The following DLGAP1 variants were observed in gnomAD, a reference collection of about 807,000 sequenced individuals.
DLGAP1 encodes the protein DLG associated protein 1, also known as disks large-associated protein 1.
DLGAP1 carries 11 observed loss-of-function variants against 90.8 expected under a neutral mutation model. The ratio of observed to expected loss-of-function variants is 0.12; its 90% CI spans 0.08 to 0.20. The LOEUF (loss-of-function observed/expected upper bound fraction) is 0.20, where lower values mean the gene tolerates loss of function less well. DLGAP1 is among the 10% of genes least tolerant of loss of function. DLGAP1 has a pLI of 1.00. For missense variants in DLGAP1, 1,050 were observed against 1,333.8 expected (o/e 0.79, Z 3.31); for synonymous variants, 558 against 540.7 (o/e 1.03, Z -0.44).
intron 1 of DLGAP1, among the ~76,000 whole-genome samples, chr18:4,257,962 G>A (rs748534295): frequency 2.2e-4 from 32 of 142,614 alleles, no homozygotes; most frequent in Non-Finnish European, 3.5e-4. Context: ...ATTACAACAA[G>A]AGTTATACAT....
At chr18:3,654,185 G>A (rs2059406463) in intron 7 of DLGAP1, among the ~76,000 whole-genome samples, 1 of 152,126 alleles carries the variant, frequency 6.6e-6, no homozygotes, top group Non-Finnish European at 1.5e-5. Flanking sequence ...GGTATCCGCA[G>A]CCACTCCAGA....
chr18:3,763,652 G>T (rs1277332055), intron 5 of DLGAP1, among the ~76,000 whole-genome samples: 3 of 151,890 alleles, frequency 2.0e-5, no homozygotes, highest in Admixed American at 1.3e-4. Flanking sequence ...GGAAATGAAA[G>T]GCCTATCTTT....
intron 3 of DLGAP1, among the ~76,000 whole-genome samples, chr18:3,921,671 T>C (rs1422032871): frequency 1.3e-5 from 2 of 152,220 alleles, no homozygotes; most frequent in Non-Finnish European, 2.9e-5. Flanking sequence ...AAGCCATTTT[T>C]AGGGTCAGAA....
chr18:3,771,553 A>G (rs2064546981), intron 5 of DLGAP1: 1 of 152,212 alleles, frequency 6.6e-6, no homozygotes, highest in Admixed American at 6.5e-5. Flanking sequence ...CCCGGGCGGG[A>G]CGTGCCGTGT....
At chr18:4,269,415 G>A (rs559662439) in intron 1 of DLGAP1, among the ~76,000 whole-genome samples, 119 of 147,354 alleles carry the variant, frequency 8.1e-4, no homozygotes, top group African/African-American at 2.5e-3. Context: ...GTGCAGTGGC[G>A]CGATCTCAGC....
intron 2 of DLGAP1, among the ~76,000 whole-genome samples, chr18:4,017,452 A>C (rs1370969520): frequency 6.6e-6 from 1 of 152,246 alleles, no homozygotes; most frequent in Non-Finnish European, 1.5e-5. Context: ...TCTAACAAAA[A>C]AGTTAAAGAA....
At position 4,406,910 on chromosome 18, in the gene DLGAP1, G is replaced by A. The variant is rs1461994099; in HGVS notation, c.-267+48096C>T. Among the ~76,000 whole-genome samples the A allele has an allele frequency of 3.3e-5, 5 of 152,310 alleles. No homozygotes were observed. In the East Asian group the frequency reaches 9.7e-4, roughly 29 times the overall value. On this transcript the variant is annotated intron_variant, in intron 1 of 12. Coordinates refer to ENST00000315677, the MANE Select transcript of DLGAP1 (RefSeq NM_004746.4). The stretch of plus-strand genomic sequence containing the variant: ...TGGGTAAATATATTTCTGCAATGTT[G>A]ACTTTGGTTGGCAATTTGAATAAAA...
At chr18:4,119,154 T>C (rs1281803093) in intron 2 of DLGAP1, among the ~76,000 whole-genome samples, 2 of 152,156 alleles carry the variant, frequency 1.3e-5, no homozygotes, top group Non-Finnish European at 2.9e-5. Context: ...TGCAGTGGCA[T>C]GATCACAGTA....
intron 1 of DLGAP1, among the ~76,000 whole-genome samples, chr18:4,211,210 AC>A (rs2077833804): frequency 6.6e-6 from 1 of 152,190 alleles, no homozygotes; most frequent in Admixed American, 6.5e-5. Context: ...GCCTGTGATG[AC>A]AATGAATCTG....
chr18:4,313,884 T>C (rs1268543942), intron 1 of DLGAP1, among the ~76,000 whole-genome samples: 1 of 152,180 alleles, frequency 6.6e-6, no homozygotes, highest in Non-Finnish European at 1.5e-5. Flanking sequence ...AAGACTTGGA[T>C]AGATAAAGCC....
intron 7 of DLGAP1, among the ~76,000 whole-genome samples, chr18:3,691,058 C>T (rs556928950): frequency 1.3e-5 from 2 of 152,226 alleles, no homozygotes; most frequent in Non-Finnish European, 2.9e-5. Context: ...AAAGACCATT[C>T]CTGACAAAGG....
chr18:3,784,738 G>T (rs1221232402), intron 5 of DLGAP1, among the ~76,000 whole-genome samples: 1 of 152,172 alleles, frequency 6.6e-6, no homozygotes, highest in African/African-American at 2.4e-5. Flanking sequence ...GGGAAAAGGC[G>T]CTGCCAGAAT....
intron 3 of DLGAP1, among the ~76,000 whole-genome samples, chr18:3,919,756 T>G (rs2072225511): frequency 6.6e-6 from 1 of 152,210 alleles, no homozygotes; most frequent in Admixed American, 6.5e-5. Flanking sequence ...TCACTAGCAT[T>G]TTATGAAAAA....
At chr18:4,144,436 C>T (rs2076548939) in intron 2 of DLGAP1, among the ~76,000 whole-genome samples, 1 of 152,136 alleles carries the variant, frequency 6.6e-6, no homozygotes, top group South Asian at 2.1e-4. Flanking sequence ...TGTTCTCCCT[C>T]CCCCCAGGCA....
chr18:4,453,903 G>C (rs6506204), intron 1 of DLGAP1, among the ~76,000 whole-genome samples: 95,658 of 151,990 alleles, frequency 0.63, 30,201 homozygotes, highest in Admixed American at 0.64. Flanking sequence ...GCGTCCCACT[G>C]CTTGCCGCCT....
At position 3,565,339 on chromosome 18, in the gene DLGAP1, C is replaced by T. The variant is rs1451043086; in HGVS notation, c.2057+2151G>A. Among the ~76,000 whole-genome samples the T allele has an allele frequency of 1.9e-4, 29 of 151,760 alleles. No homozygotes were observed. The highest frequency in any genetic ancestry group is 2.5e-4 in the Non-Finnish European group (17 of 67,954). On this transcript the variant is annotated intron_variant, in intron 9 of 12. Coordinates refer to ENST00000315677, the MANE Select transcript of DLGAP1 (RefSeq NM_004746.4). The surrounding 1 kb of genome is among the most constrained non-coding windows in gnomAD (Gnocchi z 4.0). Reference sequence around the variant, plus strand: ...AATTTTTGTAATTTTTTAGTAGAGACGGGTTTCACCATGTTGGTCAGGCTG... The same window carrying T: ...AATTTTTGTAATTTTTTAGTAGAGATGGGTTTCACCATGTTGGTCAGGCTG...
chr18:3,982,994 T>A (rs1176134750), intron 3 of DLGAP1: 1 of 152,212 alleles, frequency 6.6e-6, no homozygotes, highest in Non-Finnish European at 1.5e-5. Context: ...GGAATTATAA[T>A]AACATATCAG....
intron 2 of DLGAP1, among the ~76,000 whole-genome samples, chr18:4,035,921 C>T (rs564594439): frequency 6.1e-4 from 93 of 152,170 alleles, no homozygotes; most frequent in African/African-American, 2.1e-3. Flanking sequence ...TCAATATTTA[C>T]GATTTATGTC....
At chr18:3,984,682 C>A (rs2073806076) in intron 3 of DLGAP1, among the ~76,000 whole-genome samples, 1 of 152,152 alleles carries the variant, frequency 6.6e-6, no homozygotes, top group Non-Finnish European at 1.5e-5. Flanking sequence ...TCTGCCTCGA[C>A]CTTGGTTGAG....
Sources: gnomAD v4.1 joint callset for allele counts (sites outside exome capture counted in the v4.1 genomes callset) on GRCh38, gnomAD v4.1.1 for gene constraint, Gnocchi (gnomAD v3.1) non-coding constraint, MANE v1.5 for transcripts, NCBI Gene and HGNC (gene_info 2026-07-23, HGNC 2026-07-21) for gene names.